FARS2: variants seen among roughly 807,000 people sequenced by gnomAD.
The protein encoded by FARS2 is phenylalanyl-tRNA synthetase 2, mitochondrial.
Under a neutral mutation model 46.4 loss-of-function variants are expected in FARS2, and 40 were observed. The observed-to-expected ratio is 0.86, with a 90% confidence interval of 0.67 to 1.12. The LOEUF is 1.12. Ranked by LOEUF, FARS2 falls within the 50% of genes most tolerant of loss-of-function variation. The pLI is 0.00. For synonymous variants in FARS2, 234 were observed against 214.9 expected (o/e 1.09, Z -0.78); for missense variants, 513 against 567.9 (o/e 0.90, Z 0.98).
intron 5 of FARS2, among the ~76,000 whole-genome samples, chr6:5,562,881 G>A (rs1341199373): frequency 1.3e-5 from 2 of 150,272 alleles, no homozygotes; most frequent in East Asian, 3.9e-4. Context: ...TAGGCTCAGT[G>A]CAACCTCTAT....
At chr6:5,290,746 G>A (rs1767443864) in intron 1 of FARS2, among the ~76,000 whole-genome samples, 1 of 152,142 alleles carries the variant, frequency 6.6e-6, no homozygotes, top group Admixed American at 6.5e-5. Context: ...TTTGAGACAG[G>A]TTCTCACTCT....
At chr6:5,730,320 T>C (rs1019842768) in intron 6 of FARS2, among the ~76,000 whole-genome samples, 1 of 152,096 alleles carries the variant, frequency 6.6e-6, no homozygotes, top group African/African-American at 2.4e-5. Flanking sequence ...AGGAGATAAT[T>C]ACTGAGCAAG....
At chr6:5,629,679 T>A (rs11964213) in intron 6 of FARS2, among the ~76,000 whole-genome samples, 8,690 of 152,164 alleles carry the variant, frequency 0.057, 739 homozygotes, top group African/African-American at 0.19. Flanking sequence ...TATCTTAACT[T>A]TGTTGGCCAA....
intron 1 of FARS2, among the ~76,000 whole-genome samples, chr6:5,340,200 G>A (rs555219392): frequency 1.3e-5 from 2 of 152,312 alleles, no homozygotes; most frequent in African/African-American, 4.8e-5. Context: ...CATACTTTGT[G>A]ATAAGGTAGC....
chr6:5,279,728 C>T (rs1178100316), intron 1 of FARS2, among the ~76,000 whole-genome samples: 2 of 151,952 alleles, frequency 1.3e-5, no homozygotes, highest in Non-Finnish European at 2.9e-5. Flanking sequence ...AGTCCAGGTC[C>T]AAGTTCAAAG....
At chr6:5,592,135 A>G (rs1353202569) in intron 5 of FARS2, among the ~76,000 whole-genome samples, 1 of 152,220 alleles carries the variant, frequency 6.6e-6, no homozygotes, top group African/African-American at 2.4e-5. Context: ...CTGTAATCCC[A>G]GCACTTTGGG....
intron 6 of FARS2, among the ~76,000 whole-genome samples, chr6:5,638,788 G>A (rs1266929295): frequency 6.6e-6 from 1 of 152,102 alleles, no homozygotes; most frequent in African/African-American, 2.4e-5. Context: ...CAGTTTCCTC[G>A]CGCGAGAGAA....
intron 1 of FARS2, among the ~76,000 whole-genome samples, chr6:5,364,213 A>G (rs1006465882): frequency 1.3e-5 from 2 of 152,156 alleles, no homozygotes; most frequent in African/African-American, 4.8e-5. Flanking sequence ...TAGCTGATGA[A>G]CATGATCTAG....
chr6:5,704,942 G>A (rs1032507998), intron 6 of FARS2, among the ~76,000 whole-genome samples: 4 of 152,180 alleles, frequency 2.6e-5, no homozygotes, highest in African/African-American at 9.7e-5. Context: ...GCATAAATGA[G>A]GTAATACATG....
chr6:5,425,532 C>G (rs534504803), intron 3 of FARS2, among the ~76,000 whole-genome samples: 1 of 152,170 alleles, frequency 6.6e-6, no homozygotes, highest in African/African-American at 2.4e-5. Context: ...CACACACCCG[C>G]CCTGCAAGTG....
intron 2 of FARS2, among the ~76,000 whole-genome samples, chr6:5,382,843 G>A (rs1313809976): frequency 2.0e-5 from 3 of 152,206 alleles, no homozygotes; most frequent in African/African-American, 7.2e-5. Context: ...GGTTGGAGAA[G>A]CAGAAGAGCC....
Position 5,294,951 on chromosome 6 carries a change from A to G in FARS2, c.-22+33291A>G, listed in dbSNP as rs147740793. 5.1e-4 allele frequency among the ~76,000 whole-genome samples: 78 copies of G among 152,266 alleles called. No homozygotes were observed. The East Asian group carries it at 0.014, about 27-fold the overall frequency. On this transcript the variant is annotated intron_variant, in intron 1 of 6. Transcript: ENST00000274680. ...CACTATCAGAAAGCTGAGGGAACATACAGTCAAAGGAGGGCAGGAGGTCAG... is the reference window on the plus strand; with the variant it reads ...CACTATCAGAAAGCTGAGGGAACATGCAGTCAAAGGAGGGCAGGAGGTCAG...
At chr6:5,418,874 TTTATTATTA>T (rs111451171) in intron 3 of FARS2, among the ~76,000 whole-genome samples, 46 of 150,062 alleles carry the variant, frequency 3.1e-4, no homozygotes, top group African/African-American at 1.1e-3. Context: ...TATTTGTCTT[TTTATTATTA>T]TTATTATTAT....
intron 5 of FARS2, among the ~76,000 whole-genome samples, chr6:5,575,585 CCATATT>C (rs1446978884): frequency 2.0e-5 from 3 of 152,048 alleles, no homozygotes; most frequent in Non-Finnish European, 4.4e-5. Flanking sequence ...AATCCAAAGC[CCATATT>C]CAAATTTTGT....
chr6:5,354,698 A>G (rs1757803374), intron 1 of FARS2, among the ~76,000 whole-genome samples: 2 of 152,044 alleles, frequency 1.3e-5, no homozygotes, highest in South Asian at 2.1e-4. Context: ...TATTTTTAGT[A>G]GAGATGGGGT....
In FARS2 at chr6:5,424,402, A is replaced by G. The variant is rs564671995; in HGVS notation, c.773-6639A>G. Among the ~76,000 whole-genome samples, 33 of 152,314 alleles carry G rather than the reference A, an allele frequency of 2.2e-4. 1 individual carries two copies. The South Asian group carries it at 6.8e-3, about 32-fold the overall frequency. On this transcript the variant is annotated intron_variant, in intron 3 of 6. Transcript: ENST00000274680. The stretch of plus-strand genomic sequence containing the variant: ...GAATATTCTCCAAGTGTGTATCAGT[A>G]AGACTTCTTATATGAATGTGGGCCA...
chr6:5,609,468 G>A lies in FARS2; in HGVS notation c.1066-3701G>A, dbSNP rs1400703910. The A allele has an allele frequency of 5.3e-5, 64 of 1,218,370 alleles. 1 individual carries two copies. The highest frequency in any genetic ancestry group is 2.7e-4 in the Middle Eastern group (1 of 3,728). The allele number at this position is 1,218,370 out of a possible 1,614,324, so 75.5% of individuals were successfully genotyped here. On this transcript the variant is annotated intron_variant, in intron 5 of 6. Transcript: ENST00000274680. ...ATTACCAAATCCATTATAGCCATCC[G>A]CCCTGCCACCATATCCACCACCATC...
intron 5 of FARS2, among the ~76,000 whole-genome samples, chr6:5,568,349 C>G (rs1772439145): frequency 6.6e-6 from 1 of 152,154 alleles, no homozygotes; most frequent in Non-Finnish European, 1.5e-5. Context: ...GGATTTATCC[C>G]AAACACAAGA....
chr6:5,457,276 T>G (rs1186339543), intron 4 of FARS2, among the ~76,000 whole-genome samples: 1 of 152,170 alleles, frequency 6.6e-6, no homozygotes, highest in Non-Finnish European at 1.5e-5. Flanking sequence ...TCAGGGGGCA[T>G]GGGTATTGAA....
Sources: gnomAD v4.1 joint callset for allele counts (sites outside exome capture counted in the v4.1 genomes callset) on GRCh38, gnomAD v4.1.1 for gene constraint, MANE v1.5 for transcripts, NCBI Gene and HGNC (gene_info 2026-07-23, HGNC 2026-07-21) for gene names.